Variants in AIG1 observed in about 807,000 individuals in gnomAD.
AIG1 encodes the protein androgen induced 1.
A neutral mutation model predicts 31.4 loss-of-function variants in AIG1; 23 were observed. That is an observed-to-expected ratio of 0.73 (90% confidence interval 0.53 to 1.04). The LOEUF (loss-of-function observed/expected upper bound fraction) is 1.04, where lower values mean the gene tolerates loss of function less well. Ranked by LOEUF, AIG1 falls within the 50% of genes least tolerant of loss-of-function variation. The pLI is 0.00. For missense variants in AIG1, 274 were observed against 295.0 expected (o/e 0.93, Z 0.52); for synonymous variants, 100 against 110.5 (o/e 0.90, Z 0.60).
chr6:143,064,996 A>G (rs1776566464), intron 1 of AIG1, among the ~76,000 whole-genome samples: 1 of 152,208 alleles, frequency 6.6e-6, no homozygotes, highest in South Asian at 2.1e-4. Flanking sequence ...ATTTATTGTT[A>G]GCAGAGAAGG....
At chr6:143,085,483 T>A (rs1306313145) in intron 1 of AIG1, among the ~76,000 whole-genome samples, 5 of 152,192 alleles carry the variant, frequency 3.3e-5, no homozygotes, top group Non-Finnish European at 5.9e-5. Flanking sequence ...TTTTCCAGCG[T>A]GCCCAACATT....
At chr6:143,285,193 TA>T (rs1169061816) in intron 4 of AIG1, among the ~76,000 whole-genome samples, 1 of 151,896 alleles carries the variant, frequency 6.6e-6, no homozygotes, top group Non-Finnish European at 1.5e-5. Context: ...GTCACTACAG[TA>T]CCTGACACAC....
At chr6:143,073,616 T>C (rs1777485547) in intron 1 of AIG1, among the ~76,000 whole-genome samples, 1 of 152,190 alleles carries the variant, frequency 6.6e-6, no homozygotes, top group African/African-American at 2.4e-5. Flanking sequence ...GGTTTTCATT[T>C]CCATACCTGA....
chr6:143,069,531 G>T (rs1287585360), intron 1 of AIG1, among the ~76,000 whole-genome samples: 3 of 152,154 alleles, frequency 2.0e-5, no homozygotes, highest in African/African-American at 7.2e-5. Flanking sequence ...TCTAATAGGT[G>T]TGTAGCACTA....
intron 4 of AIG1, among the ~76,000 whole-genome samples, chr6:143,306,466 A>AT (rs1399191928): frequency 6.6e-6 from 1 of 152,062 alleles, no homozygotes; most frequent in South Asian, 2.1e-4. Context: ...AAAGGATTTT[A>AT]TTTTGCCTTC....
At position 143,298,575 on chromosome 6, in the gene AIG1, C is replaced by G. The variant is rs1469012131; in HGVS notation, c.515+14350C>G. On this transcript the variant is annotated intron_variant, in intron 4 of 5. Coordinates refer to ENST00000357847, the MANE Select transcript of AIG1 (RefSeq NM_016108.4). The surrounding 1 kb of genome is among the most constrained non-coding windows in gnomAD (Gnocchi z 5.1). ...AGGTGTGGTGGCTCATGTCTGTAAC[C>G]CTAGTCAGGAGGCTCACCTAGGCCC... Among the ~76,000 whole-genome samples the G allele has an allele frequency of 6.6e-6, 1 of 151,994 alleles. No individual in the cohort carries two copies. The highest frequency in any genetic ancestry group is 2.4e-5 in the African/African-American group (1 of 41,368).
chr6:143,237,518 T>A (rs1793897410), intron 3 of AIG1, among the ~76,000 whole-genome samples: 1 of 152,182 alleles, frequency 6.6e-6, no homozygotes, highest in African/African-American at 2.4e-5. Flanking sequence ...CGATTAAACT[T>A]GAAATCAGAA....
chr6:143,259,377 C>A (rs1020635980), intron 3 of AIG1, among the ~76,000 whole-genome samples: 4 of 152,156 alleles, frequency 2.6e-5, no homozygotes, highest in African/African-American at 9.7e-5. Flanking sequence ...TTATTTTCTT[C>A]CCCTTGTCTT....
chr6:143,213,966 A>G (rs947645662), intron 3 of AIG1, among the ~76,000 whole-genome samples: 1 of 152,230 alleles, frequency 6.6e-6, no homozygotes, highest in Non-Finnish European at 1.5e-5. Flanking sequence ...ACTATAATCA[A>G]ATAGAAAGCT....
At chr6:143,237,950 T>A (rs1793934404) in intron 3 of AIG1, among the ~76,000 whole-genome samples, 1 of 152,208 alleles carries the variant, frequency 6.6e-6, no homozygotes, top group African/African-American at 2.4e-5. Flanking sequence ...ATTTATTTTT[T>A]ATTTTTTTGA....
intron 3 of AIG1, among the ~76,000 whole-genome samples, chr6:143,192,235 A>G (rs1421430807): frequency 1.3e-5 from 2 of 152,228 alleles, no homozygotes; most frequent in Admixed American, 6.5e-5. Context: ...CTCTGCCGCC[A>G]TGCATGTGCT....
At chr6:143,324,285 G>A (rs774076589) in intron 4 of AIG1, among the ~76,000 whole-genome samples, 22 of 152,114 alleles carry the variant, frequency 1.4e-4, no homozygotes, top group African/African-American at 2.9e-4. Context: ...TGAACTCTGC[G>A]TTTTATAAGA....
chr6:143,264,141 T>C (rs1795994647), intron 3 of AIG1, among the ~76,000 whole-genome samples: 1 of 152,224 alleles, frequency 6.6e-6, no homozygotes, highest in African/African-American at 2.4e-5. Context: ...TGATTATAAC[T>C]GTTTATTTTA....
At chr6:143,122,063 G>A (rs909084940) in intron 1 of AIG1, among the ~76,000 whole-genome samples, 1 of 152,098 alleles carries the variant, frequency 6.6e-6, no homozygotes, top group African/African-American at 2.4e-5. Context: ...AGTTCTTAGA[G>A]CTCTTAGTGC....
At chr6:143,118,621 T>C (rs532805468) in intron 1 of AIG1, among the ~76,000 whole-genome samples, 2 of 152,308 alleles carry the variant, frequency 1.3e-5, no homozygotes, top group African/African-American at 4.8e-5. Context: ...GCTTTAGCAA[T>C]CACTTATGTG....
At chr6:143,342,240 G>A (rs1777872368), downstream of AIG1, 1 of 680,602 alleles carries the variant, frequency 1.5e-6, no homozygotes, top group South Asian at 1.5e-5. Context: ...TTCTTGTAGT[G>A]GGAAAATGGG....
intron 3 of AIG1, among the ~76,000 whole-genome samples, chr6:143,185,126 G>A (rs138131347): frequency 6.6e-6 from 1 of 151,574 alleles, no homozygotes; most frequent in Non-Finnish European, 1.5e-5. Flanking sequence ...AATCTGGGAG[G>A]TGGAGGTTGC....
chr6:143,140,016 A>C (rs2128525982), intron 2 of AIG1, among the ~76,000 whole-genome samples: 1 of 152,342 alleles, frequency 6.6e-6, no homozygotes, highest in Admixed American at 6.5e-5. Flanking sequence ...TAATTTATAA[A>C]GGAAAGAGGT....
intron 3 of AIG1, among the ~76,000 whole-genome samples, chr6:143,174,364 G>A (rs2128577366): frequency 6.6e-6 from 1 of 151,824 alleles, no homozygotes. Flanking sequence ...GCAGGCACCT[G>A]TAATCCCGGC....
Sources: gnomAD v4.1 joint callset for allele counts (sites outside exome capture counted in the v4.1 genomes callset) on GRCh38, gnomAD v4.1.1 for gene constraint, Gnocchi (gnomAD v3.1) non-coding constraint, MANE v1.5 for transcripts, NCBI Gene and HGNC (gene_info 2026-07-23, HGNC 2026-07-21) for gene names.